Variants in CNTNAP3 observed in about 807,000 individuals in gnomAD.
The protein encoded by CNTNAP3 is contactin-associated protein-like 3.
CNTNAP3 carries 36 observed loss-of-function variants against 92.1 expected under a neutral mutation model. The ratio of observed to expected loss-of-function variants is 0.39; its 90% CI spans 0.30 to 0.52. The LOEUF (loss-of-function observed/expected upper bound fraction) is 0.52, where lower values mean the gene tolerates loss of function less well. CNTNAP3 is among the 20% of genes least tolerant of loss of function. The pLI is 0.76. For synonymous variants in CNTNAP3, 232 were observed against 422.3 expected (o/e 0.55, Z 5.53); for missense variants, 534 against 1,069.6 (o/e 0.50, Z 6.98).
At chr9:39,095,365 A>T (rs1027360458) in intron 18 of CNTNAP3, among the ~76,000 whole-genome samples, 2 of 151,526 alleles carry the variant, frequency 1.3e-5, no homozygotes, top group African/African-American at 4.8e-5. Flanking sequence ...TACTATGATA[A>T]ATAGAGGTGG....
chr9:39,147,880 T>A (rs1045191766), intron 10 of CNTNAP3, among the ~76,000 whole-genome samples: 4 of 152,188 alleles, frequency 2.6e-5, no homozygotes, highest in African/African-American at 9.7e-5. Context: ...ATATATCTCA[T>A]AACAGAAACA....
chr9:39,153,988 G>A (rs941838115), intron 9 of CNTNAP3: 1 of 155,384 alleles, frequency 6.4e-6, no homozygotes, highest in African/African-American at 2.7e-5. Context: ...AAATTGGTGG[G>A]TTTTTCTTCT....
chr9:39,080,749 C>T (rs1825914055), intron 21 of CNTNAP3, among the ~76,000 whole-genome samples: 1 of 134,944 alleles, frequency 7.4e-6, no homozygotes, highest in African/African-American at 2.8e-5. Context: ...GCAACCTCCG[C>T]CTCCCAGGTA....
chr9:39,125,974 A>G (rs1028042083), intron 13 of CNTNAP3, among the ~76,000 whole-genome samples: 3 of 152,190 alleles, frequency 2.0e-5, no homozygotes, highest in Admixed American at 1.3e-4. Context: ...AGCACCATCA[A>G]TCAACTGGAT....
chr9:39,096,490 T>C (rs1826328860), intron 18 of CNTNAP3, among the ~76,000 whole-genome samples: 1 of 152,058 alleles, frequency 6.6e-6, no homozygotes, highest in African/African-American at 2.4e-5. Flanking sequence ...AAACAATGTG[T>C]AATGATCAAA....
At chr9:39,148,683 G>A (rs943641288) in intron 10 of CNTNAP3, among the ~76,000 whole-genome samples, 1 of 152,054 alleles carries the variant, frequency 6.6e-6, no homozygotes, top group African/African-American at 2.4e-5. Context: ...CCGCCACCAT[G>A]CCTGGCTAAT....
At chr9:39,096,631 C>A (rs1176241232) in intron 18 of CNTNAP3, among the ~76,000 whole-genome samples, 172 of 150,746 alleles carry the variant, frequency 1.1e-3, no homozygotes, top group African/African-American at 4.0e-3. Flanking sequence ...TCCTGTGCTA[C>A]TGAACATGAA....
At chr9:39,139,810 C>G (rs1262652749) in intron 12 of CNTNAP3, 1 of 150,538 alleles carries the variant, frequency 6.6e-6, no homozygotes, top group African/African-American at 2.5e-5. Flanking sequence ...AATGGCGCAA[C>G]CTTGGCTCAC....
chr9:39,130,695 G>A (rs1821266143), intron 13 of CNTNAP3, among the ~76,000 whole-genome samples: 1 of 151,882 alleles, frequency 6.6e-6, no homozygotes, highest in Admixed American at 6.6e-5. Flanking sequence ...TAGTAGAGAC[G>A]GTGTTTCATC....
intron 13 of CNTNAP3, among the ~76,000 whole-genome samples, chr9:39,122,463 G>A (rs2117991432): frequency 6.6e-6 from 1 of 152,216 alleles, no homozygotes; most frequent in African/African-American, 2.4e-5. Flanking sequence ...ATAGTAACAG[G>A]AGATTAAAAA....
intron 18 of CNTNAP3, among the ~76,000 whole-genome samples, chr9:39,092,619 G>A (rs1826230665): frequency 7.3e-6 from 1 of 136,846 alleles, no homozygotes; most frequent in Non-Finnish European, 1.6e-5. Context: ...AATGTGTTGA[G>A]GCTTGATTTA....
chr9:39,136,157 T>TAAA (rs1329732061), intron 12 of CNTNAP3, among the ~76,000 whole-genome samples: 1 of 143,670 alleles, frequency 7.0e-6, no homozygotes, highest in African/African-American at 2.5e-5. Context: ...ATAATAATAA[T>TAAA]AATAATAAAA....
At position 39,070,879 on chromosome 9, in the gene CNTNAP3, G is replaced by A. The variant is rs1479665726; in HGVS notation, c.*3011C>T. On this transcript the variant is annotated 3_prime_UTR_variant, in exon 24 of 24. Transcript: ENST00000297668. ...CAGAGAAGATGTGAACAAAGATCCA[G>A]AATTATTGGTCAGTCTAGGCAAACA... Among the ~76,000 whole-genome samples, 2 of 152,240 alleles carry A rather than the reference G, an allele frequency of 1.3e-5. No homozygotes were observed. Among genetic ancestry groups the A allele is most frequent in the Non-Finnish European group, 2.9e-5 (2 of 68,014 alleles).
chr9:39,091,168 CTTCTTT>C (rs1288176276), intron 18 of CNTNAP3, among the ~76,000 whole-genome samples: 2 of 117,976 alleles, frequency 1.7e-5, no homozygotes, highest in African/African-American at 6.3e-5. Context: ...TGTTTTTCTT[CTTCTTT>C]TTTTTTTTTT....
chr9:39,087,678 G>T (rs1470292251), intron 19 of CNTNAP3, among the ~76,000 whole-genome samples: 1 of 152,094 alleles, frequency 6.6e-6, no homozygotes, highest in Non-Finnish European at 1.5e-5. Flanking sequence ...AGTAGAGATG[G>T]GGTTTCACTG....
intron 23 of CNTNAP3, among the ~76,000 whole-genome samples, chr9:39,077,559 A>AAAGC (rs377033747): frequency 6.8e-6 from 1 of 147,506 alleles, no homozygotes. Context: ...TCTGTCTCAA[A>AAAGC]AAACAAACAA....
At chr9:39,108,645 G>C (rs1826665356) in intron 15 of CNTNAP3, among the ~76,000 whole-genome samples, 1 of 152,154 alleles carries the variant, frequency 6.6e-6, no homozygotes, top group African/African-American at 2.4e-5. Context: ...TAAGAACCCT[G>C]GGCTTATAGT....
At chr9:39,112,130 A>C (rs1030621828) in intron 14 of CNTNAP3, among the ~76,000 whole-genome samples, 4 of 151,714 alleles carry the variant, frequency 2.6e-5, no homozygotes, top group Non-Finnish European at 5.9e-5. Context: ...AGCAGTATTA[A>C]AAATTCAGTA....
chr9:39,248,519 C>T (rs1433162617), intron 2 of CNTNAP3, among the ~76,000 whole-genome samples: 3 of 34,404 alleles, frequency 8.7e-5, no homozygotes, highest in Non-Finnish European at 1.8e-4. Flanking sequence ...AATAATGTTG[C>T]TATGAATATA....
Sources: gnomAD v4.1 joint callset for allele counts (sites outside exome capture counted in the v4.1 genomes callset) on GRCh38, gnomAD v4.1.1 for gene constraint, MANE v1.5 for transcripts, NCBI Gene and HGNC (gene_info 2026-07-23, HGNC 2026-07-21) for gene names.